The following RAB1A variants were observed in gnomAD, a reference collection of about 807,000 sequenced individuals.
The protein encoded by RAB1A is RAB1A, member RAS oncogene family.
In RAB1A, 2 loss-of-function variants were observed where a neutral mutation model predicts 26.0. That is an observed-to-expected ratio of 0.08 (90% CI 0.03 to 0.24). The LOEUF is 0.24. Among genes scored for constraint, RAB1A ranks in the 10% least tolerant of loss-of-function variants. The probability of loss-of-function intolerance (pLI) is 1.00; values close to 1 mark genes in which losing one functional copy is unlikely to be tolerated. For missense variants in RAB1A, 100 were observed against 247.0 expected, an observed-to-expected ratio of 0.40 and a Z score of 3.99; for synonymous variants, 84 against 84.9, an observed-to-expected ratio of 0.99 and a Z score of 0.06.
intron 2 of RAB1A, among the ~76,000 whole-genome samples, chr2:65,102,692 C>A (rs1428837551): frequency 1.3e-5 from 2 of 151,664 alleles, no homozygotes; most frequent in Non-Finnish European, 2.9e-5. Flanking sequence ...CTTTGGGAGG[C>A]TGAGACAAGC....
chr2:65,126,344 CA>C (rs972131678), intron 1 of RAB1A, among the ~76,000 whole-genome samples: 1 of 149,212 alleles, frequency 6.7e-6, no homozygotes, highest in African/African-American at 2.5e-5. Flanking sequence ...AAAACAAAAA[CA>C]AAAAAAAACA....
intron 2 of RAB1A, among the ~76,000 whole-genome samples, chr2:65,103,062 C>A (rs1669468027): frequency 2.0e-5 from 3 of 151,104 alleles, no homozygotes; most frequent in Admixed American, 2.0e-4. Context: ...AAAGTGCTTT[C>A]TCCAGCACTT....
chr2:65,116,827 A>G (rs1241400601), intron 1 of RAB1A, among the ~76,000 whole-genome samples: 1 of 152,274 alleles, frequency 6.6e-6, no homozygotes, highest in Admixed American at 6.5e-5. Flanking sequence ...TGCATAAAAC[A>G]GTAACATGCT....
chr2:65,092,260 G>C lies in RAB1A; in HGVS notation c.193-1182C>G, dbSNP rs78909182. Reference sequence around the variant, plus strand: ...ACTCTGGGCAAGAGAGCCAGATCCTGTCTCAAAAAAAGAGAAAAAAAAAAA... The same window carrying C: ...ACTCTGGGCAAGAGAGCCAGATCCTCTCTCAAAAAAAGAGAAAAAAAAAAA... On this transcript the variant is annotated intron_variant, in intron 3 of 5. Transcript: ENST00000409784. Among the ~76,000 whole-genome samples the C allele has an allele frequency of 2.7e-4, 41 of 150,636 alleles. No individual in the cohort carries two copies. In the East Asian group the frequency reaches 6.3e-3, roughly 23 times the overall value.
At chr2:65,117,165 A>G (rs1466162994) in intron 1 of RAB1A, among the ~76,000 whole-genome samples, 1 of 148,858 alleles carries the variant, frequency 6.7e-6, no homozygotes, top group Admixed American at 6.9e-5. Context: ...TTCTGGGCTC[A>G]AGCAACCCTC....
At chr2:65,126,339 A>T (rs1670101531) in intron 1 of RAB1A, among the ~76,000 whole-genome samples, 1 of 151,934 alleles carries the variant, frequency 6.6e-6, no homozygotes, top group Non-Finnish European at 1.5e-5. Context: ...AAAAGAAAAC[A>T]AAAACAAAAA....
intron 4 of RAB1A, among the ~76,000 whole-genome samples, chr2:65,089,399 A>G (rs1302426162): frequency 2.0e-5 from 3 of 151,224 alleles, no homozygotes; most frequent in East Asian, 3.9e-4. Context: ...GATTTTTTGT[A>G]TAGATGGAGT....
At chr2:65,129,603 G>A (rs1670189850) in intron 1 of RAB1A, among the ~76,000 whole-genome samples, 1 of 141,752 alleles carries the variant, frequency 7.1e-6, no homozygotes, top group Non-Finnish European at 1.5e-5. Flanking sequence ...CCTTCACACC[G>A]CCCCAGGCCC....
intron 1 of RAB1A, chr2:65,105,543 C>T (rs1403189527): frequency 7.5e-6 from 1 of 133,962 alleles, no homozygotes; most frequent in East Asian, 2.1e-4. Flanking sequence ...AAAAAAAATT[C>T]CAAGATCAAA....
In RAB1A at chr2:65,129,886, A is replaced by T; in HGVS notation, c.23+7T>A. 6.3e-7 allele frequency: 1 copy of T among 1,595,852 alleles called. No individual in the cohort carries two copies. The highest frequency in any genetic ancestry group is 8.5e-7 in the Non-Finnish European group (1 of 1,172,194). ...GACCCAGCCGACCGGTGCTCTCCTG[A>T]ACTCACTATTCGGGATTCATGCTGG... On this transcript the variant is annotated splice_region_variant and intron_variant, in intron 1 of 5. Transcript: ENST00000409784.
At chr2:65,103,765 C>G (rs1669490077) in intron 2 of RAB1A, among the ~76,000 whole-genome samples, 1 of 151,678 alleles carries the variant, frequency 6.6e-6, no homozygotes, top group East Asian at 1.9e-4. Flanking sequence ...GGGAAACATG[C>G]TAATTTGTTT....
chr2:65,105,089 C>T (rs775742715), intron 1 of RAB1A, among the ~76,000 whole-genome samples: 2 of 152,194 alleles, frequency 1.3e-5, no homozygotes, highest in South Asian at 4.1e-4. Flanking sequence ...AAGTGATACG[C>T]ACTCTTGGAC....
intron 1 of RAB1A, among the ~76,000 whole-genome samples, chr2:65,118,480 G>C (rs375459828): frequency 1.4e-4 from 22 of 152,016 alleles, no homozygotes; most frequent in African/African-American, 3.9e-4. Context: ...TTTTTTGTTT[G>C]TTTGTTTGTT....
At chr2:65,090,618 T>C (rs1319653250) in intron 4 of RAB1A, among the ~76,000 whole-genome samples, 1 of 152,166 alleles carries the variant, frequency 6.6e-6, no homozygotes, top group Non-Finnish European at 1.5e-5. Context: ...AAGTTCTAAT[T>C]ACCAGGCCAT....
chr2:65,112,699 AAGG>A (rs1354027909), intron 1 of RAB1A, among the ~76,000 whole-genome samples: 1 of 152,198 alleles, frequency 6.6e-6, no homozygotes, highest in African/African-American at 2.4e-5. Flanking sequence ...CCTGGACAGA[AAGG>A]AGGAGGCTGA....
intron 2 of RAB1A, among the ~76,000 whole-genome samples, chr2:65,102,094 C>T (rs761464676): frequency 7.2e-5 from 11 of 152,032 alleles, no homozygotes; most frequent in Non-Finnish European, 1.5e-4. Context: ...ATGTATTTGC[C>T]ACTATTTCCA....
chr2:65,098,448 C>T (rs571596670), intron 2 of RAB1A, among the ~76,000 whole-genome samples: 1 of 152,284 alleles, frequency 6.6e-6, no homozygotes, highest in Non-Finnish European at 1.5e-5. Context: ...AAAACTCTTG[C>T]GACCCACCCA....
intron 2 of RAB1A, among the ~76,000 whole-genome samples, chr2:65,100,763 CAAA>C (rs10597136): frequency 2.0e-3 from 261 of 128,616 alleles, no homozygotes; most frequent in Admixed American, 2.4e-3. Context: ...CATCTCAAAC[CAAA>C]AAAAAAAAAA....
At position 65,129,870 on chromosome 2, in the gene RAB1A, G is replaced by A. The variant is rs761951416; in HGVS notation, c.23+23C>T. 14 of 1,590,876 alleles carry A rather than the reference G, an allele frequency of 8.8e-6. No individual in the cohort carries two copies. In the African/African-American group the frequency reaches 1.2e-4, roughly 14 times the overall value. ...CCCAAGCTGGCCCACGGACCCAGCCGACCGGTGCTCTCCTGAACTCACTAT... is the reference window on the plus strand; with the variant it reads ...CCCAAGCTGGCCCACGGACCCAGCCAACCGGTGCTCTCCTGAACTCACTAT... On this transcript the variant is annotated intron_variant, in intron 1 of 5. Coordinates refer to ENST00000409784, the MANE Select transcript of RAB1A (RefSeq NM_004161.5).
Sources: allele counts gnomAD v4.1 joint callset (sites outside exome capture counted in the v4.1 genomes callset), GRCh38; gene constraint gnomAD v4.1.1; transcripts MANE v1.5; gene names NCBI Gene and HGNC (gene_info 2026-07-23, HGNC 2026-07-21).